MAP3K5: variants seen among roughly 807,000 people sequenced by gnomAD.
MAP3K5 encodes the protein mitogen-activated protein kinase kinase kinase 5.
In MAP3K5, 56 loss-of-function variants were observed where a neutral mutation model predicts 158.7. The observed-to-expected ratio is 0.35, with a 90% CI of 0.28 to 0.44. The LOEUF (loss-of-function observed/expected upper bound fraction) is 0.44, where lower values mean the gene tolerates loss of function less well. Ranked by LOEUF, MAP3K5 falls within the 20% of genes least tolerant of loss-of-function variation. The probability of loss-of-function intolerance (pLI) is 1.00; values close to 1 mark genes in which losing one functional copy is unlikely to be tolerated. For missense variants in MAP3K5, 1,294 were observed against 1,674.8 expected (o/e 0.77, Z 3.97); for synonymous variants, 579 against 601.7 (o/e 0.96, Z 0.55).
intron 2 of MAP3K5, among the ~76,000 whole-genome samples, chr6:136,706,253 G>A (rs1218275097): frequency 2.6e-5 from 4 of 152,114 alleles, no homozygotes; most frequent in South Asian, 2.1e-4. Flanking sequence ...GTGACAGAGT[G>A]AGACTCCTCA....
intron 8 of MAP3K5, among the ~76,000 whole-genome samples, chr6:136,666,685 T>C (rs1452901345): frequency 2.0e-5 from 3 of 152,222 alleles, no homozygotes; most frequent in Non-Finnish European, 2.9e-5. Flanking sequence ...TCTTACCATA[T>C]AAAAATTAAC....
intron 26 of MAP3K5, among the ~76,000 whole-genome samples, chr6:136,564,753 C>T (rs1383913650): frequency 2.0e-5 from 3 of 152,092 alleles, no homozygotes; most frequent in Admixed American, 6.6e-5. Flanking sequence ...ATATTTGAGT[C>T]CTCGTGGACA....
At chr6:136,565,085 T>C (rs772711554) in intron 26 of MAP3K5, among the ~76,000 whole-genome samples, 1 of 152,248 alleles carries the variant, frequency 6.6e-6, no homozygotes, top group South Asian at 2.1e-4. Flanking sequence ...CTCCATTAAA[T>C]TTAATTTGTC....
intron 13 of MAP3K5, among the ~76,000 whole-genome samples, chr6:136,638,984 A>C (rs1255750759): frequency 6.6e-6 from 1 of 152,218 alleles, no homozygotes; most frequent in Non-Finnish European, 1.5e-5. Flanking sequence ...CATACAATGG[A>C]GAAAAACACA....
intron 10 of MAP3K5, among the ~76,000 whole-genome samples, chr6:136,653,601 T>C (rs1778615009): frequency 6.6e-6 from 1 of 152,216 alleles, no homozygotes; most frequent in Admixed American, 6.5e-5. Context: ...TTACAACTTA[T>C]TACCCAAATA....
At chr6:136,669,882 A>AGG (rs5880303) in intron 7 of MAP3K5, among the ~76,000 whole-genome samples, 8 of 109,310 alleles carry the variant, frequency 7.3e-5, no homozygotes, top group South Asian at 7.9e-4. Context: ...GCCATCATTC[A>AGG]GGGTGTGTGT....
chr6:136,606,196 C>G (rs551981782), intron 18 of MAP3K5, among the ~76,000 whole-genome samples: 4 of 152,034 alleles, frequency 2.6e-5, no homozygotes, highest in Non-Finnish European at 5.9e-5. Flanking sequence ...ACTAAAAATA[C>G]AAAAATTAGC....
At chr6:136,684,815 C>T (rs969442624) in intron 7 of MAP3K5, among the ~76,000 whole-genome samples, 3 of 152,112 alleles carry the variant, frequency 2.0e-5, no homozygotes, top group Non-Finnish European at 2.9e-5. Context: ...CTTTTAAATA[C>T]AAATTGCATT....
At chr6:136,688,104 T>A (rs1780230278) in intron 7 of MAP3K5, among the ~76,000 whole-genome samples, 1 of 151,976 alleles carries the variant, frequency 6.6e-6, no homozygotes, top group Non-Finnish European at 1.5e-5. Flanking sequence ...AAAGGGTGAG[T>A]TCATGTCCTT....
chr6:136,723,503 T>C (rs1245719534), intron 1 of MAP3K5, among the ~76,000 whole-genome samples: 3 of 152,194 alleles, frequency 2.0e-5, no homozygotes, highest in Non-Finnish European at 4.4e-5. Flanking sequence ...ATAGGGATTA[T>C]GAATTATTTT....
At chr6:136,657,715 G>A (rs1416814241) in intron 9 of MAP3K5, among the ~76,000 whole-genome samples, 1 of 152,224 alleles carries the variant, frequency 6.6e-6, no homozygotes, top group Non-Finnish European at 1.5e-5. Flanking sequence ...TGGGTGTGAG[G>A]AAGGGCTCTA....
chr6:136,661,568 G>T (rs576168724), intron 8 of MAP3K5, among the ~76,000 whole-genome samples: 2 of 150,374 alleles, frequency 1.3e-5, no homozygotes, highest in South Asian at 2.1e-4. Context: ...GCTAAATTTT[G>T]TTTTTTTTTC....
intron 1 of MAP3K5, among the ~76,000 whole-genome samples, chr6:136,743,378 A>T (rs1236649349): frequency 6.6e-6 from 1 of 152,074 alleles, no homozygotes; most frequent in Admixed American, 6.5e-5. Flanking sequence ...TGAACCCGGG[A>T]GGCGGAGGTT....
At chr6:136,781,909 C>T (rs181422879) in intron 1 of MAP3K5, among the ~76,000 whole-genome samples, 2 of 152,142 alleles carry the variant, frequency 1.3e-5, no homozygotes, top group East Asian at 1.9e-4. Context: ...AAAACTTGAG[C>T]GTGACATTAA....
intron 1 of MAP3K5, among the ~76,000 whole-genome samples, chr6:136,781,316 C>A (rs998727807): frequency 1.3e-5 from 2 of 152,072 alleles, no homozygotes; most frequent in Non-Finnish European, 2.9e-5. Flanking sequence ...TGACACTGAT[C>A]GAAAAAGGTA....
chr6:136,571,285 T>A (rs968496249), intron 25 of MAP3K5, among the ~76,000 whole-genome samples: 21 of 152,174 alleles, frequency 1.4e-4, no homozygotes, highest in African/African-American at 5.1e-4. Flanking sequence ...ACCTTATTCT[T>A]CTTGGTCACG....
chr6:136,590,544 CTT>C (rs755166871), intron 23 of MAP3K5, among the ~76,000 whole-genome samples: 19 of 142,302 alleles, frequency 1.3e-4, no homozygotes, highest in Admixed American at 2.8e-4. Flanking sequence ...TTTTCTTTTT[CTT>C]TTTTTTTTTT....
intron 15 of MAP3K5, among the ~76,000 whole-genome samples, chr6:136,621,448 GTTTT>G (rs1562553837): frequency 6.6e-6 from 1 of 152,116 alleles, no homozygotes; most frequent in African/African-American, 2.4e-5. Flanking sequence ...CTTAAACTGT[GTTTT>G]TTGTCTTTCA....
chr6:136,582,801 A>C (rs2129076167), intron 24 of MAP3K5, among the ~76,000 whole-genome samples: 1 of 152,354 alleles, frequency 6.6e-6, no homozygotes, highest in South Asian at 2.1e-4. Flanking sequence ...GAACCCTCTT[A>C]TTTCAGTCTC....
Sources: allele counts gnomAD v4.1 joint callset (sites outside exome capture counted in the v4.1 genomes callset), GRCh38; gene constraint gnomAD v4.1.1; transcripts MANE v1.5; gene names NCBI Gene and HGNC (gene_info 2026-07-23, HGNC 2026-07-21).